Variants in TTI1 observed in about 807,000 individuals in gnomAD.
The protein encoded by TTI1 is TELO2-interacting protein 1 homolog.
In TTI1, 52 loss-of-function variants were observed where a neutral mutation model predicts 85.4. The observed-to-expected ratio is 0.61, with a 90% CI of 0.49 to 0.77. The LOEUF is 0.77. Ranked by LOEUF, TTI1 falls within the 30% of genes least tolerant of loss-of-function variation. The pLI, the probability that TTI1 is intolerant of heterozygous loss-of-function variation, is 0.00. For synonymous variants in TTI1, 512 were observed against 503.9 expected (o/e 1.02, Z -0.22); for missense variants, 1,173 against 1,296.0 (o/e 0.91, Z 1.46).
chr20:37,999,353 A>G (rs771764437), intron 4 of TTI1, 25 bp from the exon 5 acceptor site: 3 of 1,380,446 alleles, frequency 2.2e-6, no homozygotes, highest in Non-Finnish European at 2.8e-6. Context: ...ATTTCAGCAG[A>G]TGGTATAGGC....
At position 38,002,810 on chromosome 20, in the gene TTI1, A is replaced by G. The variant is rs553130916; in HGVS notation, c.2504-34T>C. 4.0e-5 allele frequency: 65 copies of G among 1,606,110 alleles called. No individual in the cohort carries two copies. In the South Asian group the frequency reaches 7.0e-4, roughly 17 times the overall value. ...AGAGCACAACTGGGGGCAGTGTTGT[A>G]TGAGTGATAAAACAGAGATACCTAA... On this transcript the variant is annotated intron_variant, in intron 3 of 7. Transcript: ENST00000373447.
chr20:37,994,066 A>G (rs1378422602), intron 7 of TTI1, among the ~76,000 whole-genome samples: 5 of 152,154 alleles, frequency 3.3e-5, no homozygotes, highest in Non-Finnish European at 7.3e-5. Context: ...AAGAATTAAG[A>G]ACAAACAACA....
intron 4 of TTI1, among the ~76,000 whole-genome samples, chr20:38,002,110 GC>G (rs1568615556): frequency 1.3e-5 from 2 of 151,946 alleles, no homozygotes; most frequent in Non-Finnish European, 2.9e-5. Context: ...TAAAAGCCCT[GC>G]CCCCCACTTC....
chr20:38,004,344 G>A (rs1408177094), intron 3 of TTI1, among the ~76,000 whole-genome samples: 1 of 152,212 alleles, frequency 6.6e-6, no homozygotes, highest in Admixed American at 6.5e-5. Context: ...TTTCCACTGA[G>A]CAGAGCACTG....
At chr20:38,030,625 AG>A (rs1239191949) in intron 1 of TTI1, among the ~76,000 whole-genome samples, 1 of 152,128 alleles carries the variant, frequency 6.6e-6, no homozygotes, top group African/African-American at 2.4e-5. Flanking sequence ...AATCAATTAG[AG>A]TTGTTAATAC....
At chr20:38,028,109 G>T (rs1312431686) in intron 1 of TTI1, among the ~76,000 whole-genome samples, 1 of 151,944 alleles carries the variant, frequency 6.6e-6, no homozygotes, top group Non-Finnish European at 1.5e-5. Context: ...GTTGTTCAAG[G>T]GTCTACTGTA....
intron 2 of TTI1, among the ~76,000 whole-genome samples, chr20:38,009,024 C>T (rs969654548): frequency 6.6e-6 from 1 of 151,894 alleles, no homozygotes; most frequent in African/African-American, 2.4e-5. Context: ...GGAGTCTTGA[C>T]ACTCCTCCTT....
intron 7 of TTI1, among the ~76,000 whole-genome samples, chr20:37,990,219 T>C (rs6097209): frequency 0.093 from 14,228 of 152,248 alleles, 882 homozygotes; most frequent in East Asian, 0.32. Context: ...CCTTCCTTTT[T>C]TCTTTGTTGC....
At chr20:37,998,439 C>T (rs527253397) in intron 5 of TTI1, among the ~76,000 whole-genome samples, 10 of 151,660 alleles carry the variant, frequency 6.6e-5, no homozygotes, top group Non-Finnish European at 1.0e-4. Flanking sequence ...TTCTCTCTGC[C>T]TCATCTTGCG....
At chr20:38,001,493 C>T (rs537387600) in intron 4 of TTI1, among the ~76,000 whole-genome samples, 1 of 152,294 alleles carries the variant, frequency 6.6e-6, no homozygotes, top group Non-Finnish European at 1.5e-5. Context: ...TTGAATGTAT[C>T]AGCCAGGCAC....
chr20:38,031,075 C>T (rs2073900030), intron 1 of TTI1, among the ~76,000 whole-genome samples: 1 of 152,236 alleles, frequency 6.6e-6, no homozygotes, highest in Non-Finnish European at 1.5e-5. Flanking sequence ...TTTCTTACCA[C>T]TTCCACAGAT....
intron 7 of TTI1, among the ~76,000 whole-genome samples, chr20:37,992,759 T>A (rs1301626336): frequency 6.6e-6 from 1 of 152,160 alleles, no homozygotes; most frequent in Non-Finnish European, 1.5e-5. Context: ...AGTACATGTA[T>A]GGACTTGAAG....
At chr20:37,989,950 G>C (rs564323945) in intron 7 of TTI1, among the ~76,000 whole-genome samples, 1 of 152,350 alleles carries the variant, frequency 6.6e-6, no homozygotes, top group East Asian at 1.9e-4. Flanking sequence ...GACCCACAGA[G>C]AAATTTTCCT....
rs1379018785 is a variant in TTI1 at position 38,011,899 on chromosome 20, C to T, written c.1918G>A (p.Ala640Thr). ...QLEGIGQFAY[A>T]LGKDFCLLLM... ...AGCAAACAGAAGTCTTTTCCTAGTG[C>T]ATATGCAAACTGGCCAATTCCTTCC... is the stretch of plus-strand genomic sequence containing the variant. Residue 640 changes from alanine to threonine, a missense_variant, in exon 2 of 8, where the codon GCA becomes ACA. By Grantham distance (58) the Ala-to-Thr change is moderately conservative. Transcript: ENST00000373447. 5 of 1,614,244 alleles carry T rather than the reference C, an allele frequency of 3.1e-6. No homozygotes were observed. The African/African-American group carries it at 5.3e-5, about 17-fold the overall frequency.
At chr20:38,008,034 G>A (rs1317400354) in intron 2 of TTI1, among the ~76,000 whole-genome samples, 2 of 152,172 alleles carry the variant, frequency 1.3e-5, no homozygotes, top group Non-Finnish European at 2.9e-5. Context: ...TTAAACATAT[G>A]AAAAGAAGCT....
intron 4 of TTI1, chr20:38,000,428 T>C (rs935518200): frequency 3.7e-5 from 2 of 53,932 alleles, no homozygotes; most frequent in Non-Finnish European, 9.0e-5. Flanking sequence ...CCTGCATCAG[T>C]GTCACAGGCA....
chr20:38,033,250 G>C (rs1478776520), intron 1 of TTI1, among the ~76,000 whole-genome samples, 154 bp downstream of exon 1: 4 of 152,156 alleles, frequency 2.6e-5, no homozygotes, highest in Non-Finnish European at 4.4e-5. Flanking sequence ...AACACATATG[G>C]AGGAAAGATG....
chr20:38,021,744 T>C (rs1291890264), intron 1 of TTI1, among the ~76,000 whole-genome samples: 5 of 152,148 alleles, frequency 3.3e-5, no homozygotes, highest in African/African-American at 1.2e-4. Context: ...ATGAATGAAC[T>C]CACTGCCCCC....
intron 1 of TTI1, among the ~76,000 whole-genome samples, chr20:38,016,828 A>C (rs1433560414): frequency 6.6e-6 from 1 of 152,192 alleles, no homozygotes; most frequent in African/African-American, 2.4e-5. Flanking sequence ...CTCTAGGCTT[A>C]ATTCTTAAAC....
Sources: gnomAD v4.1 joint callset for allele counts (sites outside exome capture counted in the v4.1 genomes callset) on GRCh38, gnomAD v4.1.1 for gene constraint, MANE v1.5 for transcripts, NCBI Gene and HGNC (gene_info 2026-07-23, HGNC 2026-07-21) for gene names.